ISCU: variants seen among roughly 807,000 people sequenced by gnomAD.
ISCU encodes iron-sulfur cluster assembly enzyme.
In ISCU, 13 loss-of-function variants were observed where a neutral mutation model predicts 18.4. That is an observed-to-expected ratio of 0.71 (90% CI 0.46 to 1.12). The LOEUF (loss-of-function observed/expected upper bound fraction) is 1.12, where lower values mean the gene tolerates loss of function less well. ISCU is among the 50% of genes most tolerant of loss of function. The probability of loss-of-function intolerance (pLI) is 0.00; values close to 1 mark genes in which losing one functional copy is unlikely to be tolerated. For missense variants in ISCU, 229 were observed against 208.7 expected (o/e 1.10, Z -0.60); for synonymous variants, 104 against 87.5 (o/e 1.19, Z -1.06).
intron 4 of ISCU, 71 bp from the exon 5 acceptor site, chr12:108,568,759 TA>T: frequency 6.4e-7 from 1 of 1,559,396 alleles, no homozygotes. Context: ...TCCCAGCTCT[TA>T]AAGATTCTAT....
At chr12:108,564,046 T>G in intron 1 of ISCU, 1 of 1,545,766 alleles carries the variant, frequency 6.5e-7, no homozygotes, top group East Asian at 2.2e-5. Flanking sequence ...TTCACTGATT[T>G]TTTTTTCTTC....
rs368028981 is a variant in ISCU, at chr12:108,564,308, C to T, written c.144C>T (p.Asn48=). The T allele has an allele frequency of 5.6e-5, 91 of 1,613,886 alleles. No homozygotes were observed. The highest frequency in any genetic ancestry group is 7.3e-5 in the Non-Finnish European group (86 of 1,179,870). Reference sequence around the variant, plus strand: ...TTGATCATTATGAAAATCCTAGAAACGTGGGGTCCCTTGACAAGACATCTA... The same window carrying T: ...TTGATCATTATGAAAATCCTAGAAATGTGGGGTCCCTTGACAAGACATCTA... ...KVVDHYENPR[N]VGSLDKTSKN... is the part of the protein sequence containing the mutation. Residue 48 remains asparagine (N), a synonymous_variant, in exon 2 of 5, where the codon AAC becomes AAT. Coordinates refer to ENST00000311893, the MANE Select transcript of ISCU (RefSeq NM_213595.4).
At chr12:108,563,972 C>T in intron 1 of ISCU, 4 of 835,858 alleles carry the variant, frequency 4.8e-6, no homozygotes, top group Non-Finnish European at 8.4e-6. Context: ...GAGCCCAAGT[C>T]TGGTGATGTA....
intron 1 of ISCU, chr12:108,563,108 C>A: frequency 5.8e-6 from 1 of 171,236 alleles, no homozygotes; most frequent in Non-Finnish European, 1.2e-5. Context: ...TTGGGCTAGT[C>A]ACTGCGCCTC....
chr12:108,568,636 G>C (rs2031010028), intron 4 of ISCU, 195 bp from the exon 5 acceptor site: 1 of 1,440,910 alleles, frequency 6.9e-7, no homozygotes, highest in Non-Finnish European at 9.1e-7. Context: ...TCTGTCTCCA[G>C]GATCACCCGC....
At chr12:108,561,736 A>G (rs776959048), upstream of ISCU, among the ~76,000 whole-genome samples, 3 of 152,240 alleles carry the variant, frequency 2.0e-5, no homozygotes, top group African/African-American at 4.8e-5. Flanking sequence ...CATACTGCAA[A>G]CCAACAGTAA....
intron 1 of ISCU, chr12:108,563,854 G>C (rs1034718975): frequency 3.5e-6 from 2 of 578,284 alleles, no homozygotes; most frequent in Admixed American, 5.6e-5. Flanking sequence ...TCACCTTAAG[G>C]CTTCTAAGAA....
chr12:108,566,501 A>G (rs78629437), intron 3 of ISCU, among the ~76,000 whole-genome samples: 282 of 152,352 alleles, frequency 1.9e-3, no homozygotes, highest in Middle Eastern at 3.4e-3. Context: ...CAGAATTGGG[A>G]AACTGAATGA....
At chr12:108,565,465 C>T in intron 3 of ISCU, 34 bp downstream of exon 3, 1 of 1,373,372 alleles carries the variant, frequency 7.3e-7, no homozygotes, top group Non-Finnish European at 1.0e-6. Flanking sequence ...GGGTCAAAAA[C>T]AAGTAACCAT....
chr12:108,567,921 G>T, intron 4 of ISCU: 1 of 1,403,164 alleles, frequency 7.1e-7, no homozygotes, highest in South Asian at 1.2e-5. Flanking sequence ...CCTTCTCAGG[G>T]AAAGAAGGAA....
chr12:108,564,009 A>G, intron 1 of ISCU: 1 of 1,256,968 alleles, frequency 8.0e-7, no homozygotes. Context: ...GTATTTTTGT[A>G]AAAATCCTAT....
At chr12:108,566,811 G>A (rs963088429) in intron 3 of ISCU, among the ~76,000 whole-genome samples, 3 of 152,182 alleles carry the variant, frequency 2.0e-5, no homozygotes, top group Non-Finnish European at 2.9e-5. Context: ...CTAACATTTG[G>A]TATGAGGACA....
At chr12:108,562,174 G>T (rs528194258), upstream of ISCU, among the ~76,000 whole-genome samples, 31 of 152,206 alleles carry the variant, frequency 2.0e-4, no homozygotes, top group African/African-American at 7.2e-4. Flanking sequence ...TCTAACCCAG[G>T]ATTACCCAAG....
chr12:108,561,712 G>C (rs2030572391), upstream of ISCU, among the ~76,000 whole-genome samples: 1 of 152,138 alleles, frequency 6.6e-6, no homozygotes, highest in Non-Finnish European at 1.5e-5. Context: ...GAGTTTTCCG[G>C]TTTTATAAGA....
rs1409881370 is a variant in ISCU at position 108,568,846 on chromosome 12, C to T, written c.434C>T (p.Ala145Val). ...TTACTTCCAGTGCTGGCTGAAGATG[C>T]AATCAAGGCCGCCCTGGCTGATTAC... ...KLHCSMLAED[A>V]IKAALADYKL... Residue 145 changes from alanine (A) to valine (V), a missense_variant, in exon 5 of 5, where the codon GCA becomes GTA. Transcript: ENST00000311893. The T allele has an allele frequency of 2.5e-6, 4 of 1,613,220 alleles. No individual in the cohort carries two copies. Among genetic ancestry groups the T allele is most frequent in the Non-Finnish European group, 3.4e-6 (4 of 1,179,732 alleles).
At chr12:108,564,239 T>C in intron 1 of ISCU, 40 bp from the exon 2 acceptor site, 2 of 1,568,940 alleles carry the variant, frequency 1.3e-6, no homozygotes, top group East Asian at 2.2e-5. Context: ...CCAGTACCAA[T>C]AGAGAGTGAA....
chr12:108,565,474 A>G (rs548878731), intron 3 of ISCU, 43 bp downstream of exon 3: 2 of 1,311,790 alleles, frequency 1.5e-6, no homozygotes, highest in South Asian at 1.2e-5. Flanking sequence ...ACAAGTAACC[A>G]TGACTTTTTT....
intron 2 of ISCU, among the ~76,000 whole-genome samples, chr12:108,564,846 T>C (rs1592790997): frequency 6.6e-6 from 1 of 152,210 alleles, no homozygotes; most frequent in African/African-American, 2.4e-5. Flanking sequence ...TGCTGCTTCA[T>C]GGTGAGTGGG....
chr12:108,565,558 A>G (rs2030856868), intron 3 of ISCU, 127 bp downstream of exon 3: 4 of 707,240 alleles, frequency 5.7e-6, no homozygotes, highest in Non-Finnish European at 1.0e-5. Context: ...ATTGGGAATT[A>G]TGGATCATTC....
Sources: allele counts gnomAD v4.1 joint callset (sites outside exome capture counted in the v4.1 genomes callset), GRCh38; gene constraint gnomAD v4.1.1; transcripts MANE v1.5; gene names NCBI Gene and HGNC (gene_info 2026-07-23, HGNC 2026-07-21).